The following PTPRG variants were observed in gnomAD, a reference collection of about 807,000 sequenced individuals.
PTPRG encodes receptor-type tyrosine-protein phosphatase gamma.
PTPRG carries 102 observed loss-of-function variants against 165.3 expected under a neutral mutation model. The observed-to-expected ratio is 0.62, with a 90% CI of 0.53 to 0.73. PTPRG has a LOEUF of 0.73. Among genes scored for constraint, PTPRG ranks in the 30% least tolerant of loss-of-function variants. The probability of loss-of-function intolerance (pLI) is 0.00; values close to 1 mark genes in which losing one functional copy is unlikely to be tolerated. For missense variants in PTPRG, 1,866 were observed against 1,861.4 expected (o/e 1.00, Z -0.05); for synonymous variants, 675 against 669.5 (o/e 1.01, Z -0.13).
At chr3:61,859,536 C>T (rs543979106) in intron 2 of PTPRG, among the ~76,000 whole-genome samples, 26 of 151,834 alleles carry the variant, frequency 1.7e-4, no homozygotes, top group South Asian at 4.2e-4. Context: ...TTTGTTTAAG[C>T]GAAATTCTAT....
intron 2 of PTPRG, among the ~76,000 whole-genome samples, chr3:61,799,952 A>T (rs1352392822): frequency 6.6e-6 from 1 of 152,224 alleles, no homozygotes; most frequent in African/African-American, 2.4e-5. Flanking sequence ...CTAAAGCCAG[A>T]CTAGGGTGGG....
At chr3:62,025,033 G>A (rs1023723747) in intron 4 of PTPRG, among the ~76,000 whole-genome samples, 3 of 152,176 alleles carry the variant, frequency 2.0e-5, no homozygotes, top group Non-Finnish European at 4.4e-5. Context: ...TGAAAGTCAT[G>A]CTTGTGACCC....
At chr3:61,840,126 A>G (rs890784690) in intron 2 of PTPRG, among the ~76,000 whole-genome samples, 5 of 152,156 alleles carry the variant, frequency 3.3e-5, no homozygotes, top group African/African-American at 9.7e-5. Flanking sequence ...TATCATAAAC[A>G]TTTCCTGGTA....
Position 62,292,536 on chromosome 3 carries a change from C to T in PTPRG, c.4171C>T (p.Pro1391Ser), listed in dbSNP as rs765112298. 1 of 1,613,286 alleles carries T rather than the reference C, an allele frequency of 6.2e-7. No individual in the cohort carries two copies. The highest frequency in any genetic ancestry group is 1.1e-5 in the South Asian group (1 of 90,968). ...QVAKMINLMRPGVFTDIEQYQ... is the reference protein window; with the variant it reads ...QVAKMINLMRSGVFTDIEQYQ... ...TGCAAAAATGATCAATCTTATGAGG[C>T]CTGGAGTATTCACAGACATTGTAAG... is the stretch of plus-strand genomic sequence containing the variant. Residue 1391 changes from proline to serine, a missense_variant, in exon 29 of 30, where the codon CCT becomes TCT. Around this residue, in one of 3 missense-constraint regions of PTPRG, gnomAD observed 1,452 missense variants for 1,463.0 expected, o/e 0.99. Coordinates refer to ENST00000474889, the MANE Select transcript of PTPRG (RefSeq NM_002841.4).
intron 9 of PTPRG, among the ~76,000 whole-genome samples, chr3:62,192,548 A>G (rs1699863194): frequency 6.6e-6 from 1 of 151,698 alleles, no homozygotes; most frequent in African/African-American, 2.4e-5. Flanking sequence ...AGCTGGGACT[A>G]CATGCATCCG....
intron 1 of PTPRG, among the ~76,000 whole-genome samples, chr3:61,644,613 TATCCGAA>T (rs1412315888): frequency 1.3e-5 from 2 of 152,228 alleles, no homozygotes; most frequent in Admixed American, 6.5e-5. Context: ...GTTCCATCTC[TATCCGAA>T]ATAGGACTAG....
At chr3:61,594,415 T>G (rs1380216272) in intron 1 of PTPRG, among the ~76,000 whole-genome samples, 2 of 151,874 alleles carry the variant, frequency 1.3e-5, no homozygotes, top group Non-Finnish European at 2.9e-5. Context: ...TCAAGGAAAG[T>G]AGGTCAGGCC....
Position 62,186,525 on chromosome 3 carries a change from CAG to C in PTPRG, c.1034-4941_1034-4940del, listed in dbSNP as rs1468943757. Reference sequence around the variant, plus strand: ...GAGGACACGGGTGGCCCATCGGCCTCAGAGGGGAAGCAGGGTGTTGAAGCTGG... The same window carrying C: ...GAGGACACGGGTGGCCCATCGGCCTCAGGGGAAGCAGGGTGTTGAAGCTGG... On this transcript the variant is annotated intron_variant, in intron 8 of 29. Coordinates refer to ENST00000474889, the MANE Select transcript of PTPRG (RefSeq NM_002841.4). 4.1e-5 allele frequency among the ~76,000 whole-genome samples: 6 copies of C among 147,592 alleles called. No homozygotes were observed. The East Asian group carries it at 1.2e-3, about 30-fold the overall frequency.
intron 2 of PTPRG, among the ~76,000 whole-genome samples, chr3:61,970,612 A>G (rs2040361248): frequency 6.6e-6 from 1 of 152,212 alleles, no homozygotes; most frequent in Non-Finnish European, 1.5e-5. Flanking sequence ...TGTTTGGAAT[A>G]ATTAATAGTA....
chr3:62,096,936 G>T (rs1340052757), intron 5 of PTPRG, among the ~76,000 whole-genome samples: 1 of 152,148 alleles, frequency 6.6e-6, no homozygotes, highest in Non-Finnish European at 1.5e-5. Flanking sequence ...TTGTAGTACA[G>T]AAGGATTTTT....
intron 1 of PTPRG, among the ~76,000 whole-genome samples, chr3:61,669,535 T>C (rs1362742011): frequency 6.6e-6 from 1 of 152,176 alleles, no homozygotes; most frequent in African/African-American, 2.4e-5. Context: ...TTAATTACAG[T>C]TCCATTTCAG....
chr3:61,729,086 A>G (rs1029005293), intron 1 of PTPRG, among the ~76,000 whole-genome samples: 6 of 151,262 alleles, frequency 4.0e-5, no homozygotes, highest in Non-Finnish European at 5.9e-5. Context: ...ACAAACAAAC[A>G]AAAAGGACCA....
chr3:62,144,365 A>G (rs1198946365), intron 6 of PTPRG, among the ~76,000 whole-genome samples: 1 of 152,232 alleles, frequency 6.6e-6, no homozygotes, highest in Non-Finnish European at 1.5e-5. Context: ...TTTTGCCAAG[A>G]TCATCACATG....
chr3:62,243,645 C>A, intron 14 of PTPRG, 162 bp from the exon 15 acceptor site: 1 of 486,478 alleles, frequency 2.1e-6, no homozygotes, highest in Non-Finnish European at 3.6e-6. Context: ...GCCCCTCCAA[C>A]AGGCTGAATG....
At chr3:62,220,039 C>A (rs1464262012) in intron 13 of PTPRG, among the ~76,000 whole-genome samples, 3 of 152,150 alleles carry the variant, frequency 2.0e-5, no homozygotes, top group Non-Finnish European at 2.9e-5. Flanking sequence ...AGGAGGGAAC[C>A]AAATGGGCTC....
chr3:62,117,662 A>G (rs1481653470), intron 5 of PTPRG, among the ~76,000 whole-genome samples: 3 of 152,238 alleles, frequency 2.0e-5, no homozygotes, highest in Admixed American at 6.5e-5. Flanking sequence ...ATTGCAGTAT[A>G]TCTTCAAACA....
At chr3:61,865,025 G>T (rs774580467) in intron 2 of PTPRG, among the ~76,000 whole-genome samples, 1 of 152,112 alleles carries the variant, frequency 6.6e-6, no homozygotes, top group Non-Finnish European at 1.5e-5. Context: ...TTTATGTTTT[G>T]CCTGTTCCTA....
At chr3:62,086,779 G>A (rs565512093) in intron 5 of PTPRG, among the ~76,000 whole-genome samples, 19 of 152,238 alleles carry the variant, frequency 1.2e-4, no homozygotes, top group African/African-American at 3.4e-4. Flanking sequence ...TTAAGTGAAG[G>A]CCAGAGTCAT....
chr3:62,192,726 T>C (rs1454414374), intron 9 of PTPRG, among the ~76,000 whole-genome samples: 1 of 152,144 alleles, frequency 6.6e-6, no homozygotes, highest in East Asian at 1.9e-4. Context: ...CTTCTGTCTT[T>C]AAGTCTTTGC....
Sources: allele counts gnomAD v4.1 joint callset (sites outside exome capture counted in the v4.1 genomes callset), GRCh38; gene constraint gnomAD v4.1.1; regional missense constraint gnomAD v4.1.1; transcripts MANE v1.5; gene names NCBI Gene and HGNC (gene_info 2026-07-23, HGNC 2026-07-21).